GTF2IRD1: variants seen among roughly 807,000 people sequenced by gnomAD.
GTF2IRD1 encodes GTF2I repeat domain containing 1.
A neutral mutation model predicts 113.2 loss-of-function variants in GTF2IRD1; 26 were observed. The ratio of observed to expected loss-of-function variants is 0.23; its 90% CI spans 0.17 to 0.32. The LOEUF is 0.32. GTF2IRD1 is among the 10% of genes least tolerant of loss of function. GTF2IRD1 has a pLI of 1.00. For synonymous variants in GTF2IRD1, 484 were observed against 529.1 expected (o/e 0.91, Z 1.17); for missense variants, 864 against 1,280.8 (o/e 0.67, Z 4.97).
intron 16 of GTF2IRD1, among the ~76,000 whole-genome samples, chr7:74,546,079 GCCCTCAGCCCTCCGCCCTCA>G (rs1554353178): frequency 6.6e-6 from 1 of 152,034 alleles, no homozygotes; most frequent in Non-Finnish European, 1.5e-5. Flanking sequence ...AATGTCGCCA[GCCCTCAGCCCTCCGCCCTCA>G]CCCTCATCCC....
chr7:74,475,031 G>A (rs1554333229), intron 1 of GTF2IRD1, among the ~76,000 whole-genome samples: 1 of 152,136 alleles, frequency 6.6e-6, no homozygotes, highest in African/African-American at 2.4e-5. Context: ...GATTTGGGAC[G>A]ATCACTTGAG....
chr7:74,517,005 TTGTTGTTGTTG>T (rs1562825165), intron 4 of GTF2IRD1, among the ~76,000 whole-genome samples: 59 of 140,372 alleles, frequency 4.2e-4, no homozygotes, highest in African/African-American at 1.5e-3. Context: ...CCTGTCTTTG[TTGTTGTTGTTG>T]TTGTTGTTGT....
At chr7:74,538,059 C>G in intron 11 of GTF2IRD1, 77 bp from the exon 12 acceptor site, 2 of 1,478,090 alleles carry the variant, frequency 1.4e-6, no homozygotes, top group Non-Finnish European at 1.9e-6. Flanking sequence ...TGGGCCCTGA[C>G]TGCCTGGAGG....
intron 19 of GTF2IRD1, 37 bp from the exon 20 acceptor site, chr7:74,557,602 C>G: frequency 6.8e-7 from 1 of 1,468,200 alleles, no homozygotes; most frequent in Non-Finnish European, 9.5e-7. Flanking sequence ...CTTTTTCACT[C>G]AACAGCCCAA....
chr7:74,561,168 G>A (rs1799935267), intron 22 of GTF2IRD1, among the ~76,000 whole-genome samples: 1 of 151,742 alleles, frequency 6.6e-6, no homozygotes, highest in Admixed American at 6.6e-5. Context: ...GACCAACATG[G>A]TGAAACCCCA....
At chr7:74,481,463 T>G (rs1794738744) in intron 1 of GTF2IRD1, among the ~76,000 whole-genome samples, 1 of 152,196 alleles carries the variant, frequency 6.6e-6, no homozygotes, top group Non-Finnish European at 1.5e-5. Flanking sequence ...CCAGCCTGCT[T>G]TTGTTTTTAA....
chr7:74,468,760 A>C (rs1017778594), intron 1 of GTF2IRD1, among the ~76,000 whole-genome samples: 7 of 149,424 alleles, frequency 4.7e-5, no homozygotes, highest in Non-Finnish European at 1.0e-4. Flanking sequence ...CTGACAGTTA[A>C]ACAAAAAGGA....
At chr7:74,584,031 A>C (rs1801581928) in intron 22 of GTF2IRD1, among the ~76,000 whole-genome samples, 1 of 152,142 alleles carries the variant, frequency 6.6e-6, no homozygotes, top group Non-Finnish European at 1.5e-5. Context: ...AAAGTGCCTG[A>C]AACAGGTCTC....
intron 1 of GTF2IRD1, among the ~76,000 whole-genome samples, chr7:74,468,357 TA>T (rs1472746513): frequency 1.2e-3 from 49 of 42,084 alleles, no homozygotes; most frequent in East Asian, 7.2e-3. Flanking sequence ...AAAAATAATT[TA>T]AAAAAAAAAA....
intron 22 of GTF2IRD1, among the ~76,000 whole-genome samples, chr7:74,581,848 AAC>A (rs1801438964): frequency 6.6e-6 from 1 of 152,140 alleles, no homozygotes; most frequent in African/African-American, 2.4e-5. Flanking sequence ...CTCTACAAAT[AAC>A]ACAAAAATTA....
chr7:74,510,645 C>T (rs993551660), intron 2 of GTF2IRD1, among the ~76,000 whole-genome samples: 2 of 152,062 alleles, frequency 1.3e-5, no homozygotes, highest in African/African-American at 2.4e-5. Flanking sequence ...AAATAAACAA[C>T]TCAGTTGTTC....
chr7:74,546,975 C>A, intron 16 of GTF2IRD1, 128 bp from the exon 17 acceptor site: 1 of 800,928 alleles, frequency 1.2e-6, no homozygotes, highest in Non-Finnish European at 2.0e-6. Context: ...TTTCCACATC[C>A]CAGGAAAGCT....
Position 74,495,971 on chromosome 7 carries a change from A to G in GTF2IRD1, c.-6-12104A>G, listed in dbSNP as rs568283688. Among the ~76,000 whole-genome samples, 7 of 152,182 alleles carry G rather than the reference A, an allele frequency of 4.6e-5. No homozygotes were observed. In the East Asian group the frequency reaches 1.4e-3, roughly 29 times the overall value. Reference sequence around the variant, plus strand: ...AGCCACCTTCTCTGTGAAGGTTTTCACTGCATTCAGACTGTGCTGGGACTG... The same window carrying G: ...AGCCACCTTCTCTGTGAAGGTTTTCGCTGCATTCAGACTGTGCTGGGACTG... On this transcript the variant is annotated intron_variant, in intron 1 of 26. Coordinates refer to ENST00000424337, the MANE Select transcript of GTF2IRD1 (RefSeq NM_005685.4).
intron 1 of GTF2IRD1, among the ~76,000 whole-genome samples, chr7:74,501,635 T>C (rs1398637936): frequency 3.3e-5 from 5 of 151,766 alleles, no homozygotes; most frequent in African/African-American, 1.2e-4. Flanking sequence ...GGAGGGGAGT[T>C]TGTTTGTTTG....
chr7:74,580,921 G>A (rs1416473517), intron 22 of GTF2IRD1, among the ~76,000 whole-genome samples: 1 of 152,192 alleles, frequency 6.6e-6, no homozygotes, highest in East Asian at 1.9e-4. Flanking sequence ...AACTGTGGGT[G>A]TCTTTACAGC....
At chr7:74,548,051 C>T (rs190514248) in intron 17 of GTF2IRD1, among the ~76,000 whole-genome samples, 3 of 152,234 alleles carry the variant, frequency 2.0e-5, no homozygotes, top group East Asian at 3.9e-4. Flanking sequence ...TTTCCTTGAG[C>T]GTGTTGTGTT....
At chr7:74,533,152 T>C (rs1164607507) in intron 9 of GTF2IRD1, among the ~76,000 whole-genome samples, 3 of 149,406 alleles carry the variant, frequency 2.0e-5, no homozygotes, top group Admixed American at 1.3e-4. Flanking sequence ...TTTTTTTTTT[T>C]CAGATGGAGT....
chr7:74,556,256 A>C (rs1451856023), intron 19 of GTF2IRD1, among the ~76,000 whole-genome samples: 1 of 150,828 alleles, frequency 6.6e-6, no homozygotes, highest in Non-Finnish European at 1.5e-5. Context: ...TGTCTCAAAA[A>C]AAAAAGAAAG....
At chr7:74,525,857 C>G (rs115428499) in intron 8 of GTF2IRD1, among the ~76,000 whole-genome samples, 325 of 152,192 alleles carry the variant, frequency 2.1e-3, no homozygotes, top group African/African-American at 7.4e-3. Context: ...GCTGGGAAGT[C>G]AGGGGTGGCT....
Sources: gnomAD v4.1 joint callset for allele counts (sites outside exome capture counted in the v4.1 genomes callset) on GRCh38, gnomAD v4.1.1 for gene constraint, MANE v1.5 for transcripts, NCBI Gene and HGNC (gene_info 2026-07-23, HGNC 2026-07-21) for gene names.